CREB5: variants seen among roughly 807,000 people sequenced by gnomAD.
The protein encoded by CREB5 is cyclic AMP-responsive element-binding protein 5.
A neutral mutation model predicts 57.1 loss-of-function variants in CREB5; 19 were observed. The ratio of observed to expected loss-of-function variants is 0.33; its 90% CI spans 0.23 to 0.49. The LOEUF (loss-of-function observed/expected upper bound fraction) is 0.49. CREB5 is among the 20% of genes least tolerant of loss of function. The pLI is 0.99. For synonymous variants in CREB5, 238 were observed against 238.3 expected (o/e 1.00, Z 0.01); for missense variants, 579 against 671.6 (o/e 0.86, Z 1.52).
At chr7:28,549,106 T>C (rs1322788281) in intron 4 of CREB5, among the ~76,000 whole-genome samples, 1 of 152,174 alleles carries the variant, frequency 6.6e-6, no homozygotes, top group East Asian at 1.9e-4. Flanking sequence ...AATCTTAGAA[T>C]CGAATTGGAC....
intron 1 of CREB5, among the ~76,000 whole-genome samples, chr7:28,462,088 G>A (rs912207765): frequency 2.0e-5 from 3 of 151,916 alleles, no homozygotes; most frequent in Non-Finnish European, 4.4e-5. Flanking sequence ...TCCCCTCATA[G>A]CCCCCGGTAA....
rs562712473 is a variant in CREB5, at chr7:28,663,052, G to A, written c.465-55701G>A. On this transcript the variant is annotated intron_variant, in intron 5 of 10. Transcript: ENST00000357727. The stretch of plus-strand genomic sequence containing the variant: ...CCCAGCTACTCTGGAGGCTGAGGTA[G>A]GAGAATCGCTTGAACCTGGGAGGTG... Among the ~76,000 whole-genome samples the A allele has an allele frequency of 5.0e-3, 754 of 151,800 alleles. 6 individuals carry two copies. The highest frequency in any genetic ancestry group is 0.033 in the South Asian group (159 of 4,800).
intron 4 of CREB5, among the ~76,000 whole-genome samples, chr7:28,561,621 C>G (rs889862060): frequency 6.6e-6 from 1 of 152,216 alleles, no homozygotes; most frequent in Non-Finnish European, 1.5e-5. Flanking sequence ...GATCAGACAT[C>G]ATTCATTTAC....
chr7:28,344,861 A>G (rs1786010633), intron 1 of CREB5, among the ~76,000 whole-genome samples: 1 of 152,222 alleles, frequency 6.6e-6, no homozygotes, highest in South Asian at 2.1e-4. Flanking sequence ...GGGTGGCTAT[A>G]CTTACATCAG....
At chr7:28,349,700 C>T (rs374413132) in intron 1 of CREB5, among the ~76,000 whole-genome samples, 23 of 152,054 alleles carry the variant, frequency 1.5e-4, no homozygotes, top group Non-Finnish European at 2.5e-4. Context: ...TTAATTTCAG[C>T]GATGGAGGGA....
chr7:28,355,016 T>C (rs977149302), intron 1 of CREB5, among the ~76,000 whole-genome samples: 1 of 152,216 alleles, frequency 6.6e-6, no homozygotes, highest in Non-Finnish European at 1.5e-5. Flanking sequence ...AAGCAGTAAA[T>C]GTGCCTCTGG....
chr7:28,392,800 G>C (rs986913870), intron 1 of CREB5, among the ~76,000 whole-genome samples: 3 of 152,176 alleles, frequency 2.0e-5, no homozygotes, highest in African/African-American at 7.2e-5. Context: ...CCCGTAACTA[G>C]ACCTCATCTG....
At chr7:28,452,024 C>G (rs1562725726) in intron 1 of CREB5, among the ~76,000 whole-genome samples, 1 of 152,258 alleles carries the variant, frequency 6.6e-6, no homozygotes, top group East Asian at 1.9e-4. Context: ...GAGAAAGGTC[C>G]CTGCCTGGAC....
intron 1 of CREB5, among the ~76,000 whole-genome samples, chr7:28,305,242 A>G (rs1420973570): frequency 6.6e-6 from 1 of 152,144 alleles, no homozygotes; most frequent in Non-Finnish European, 1.5e-5. Flanking sequence ...ATGTTGAAAC[A>G]CAATTCTGAA....
At chr7:28,494,566 C>G (rs1791937794) in intron 2 of CREB5, among the ~76,000 whole-genome samples, 1 of 152,026 alleles carries the variant, frequency 6.6e-6, no homozygotes, top group Non-Finnish European at 1.5e-5. Flanking sequence ...AAAAAAGTTC[C>G]CAGGGAAGGT....
intron 5 of CREB5, among the ~76,000 whole-genome samples, chr7:28,622,863 G>T (rs1797857659): frequency 6.6e-6 from 1 of 151,838 alleles, no homozygotes; most frequent in African/African-American, 2.4e-5. Context: ...CTCTATTTTT[G>T]AAAATAATAA....
intron 1 of CREB5, among the ~76,000 whole-genome samples, 184 bp downstream of exon 1, chr7:28,413,101 T>C (rs559405820): frequency 6.7e-6 from 1 of 148,414 alleles, no homozygotes; most frequent in African/African-American, 2.4e-5. Flanking sequence ...GATGTGTGTG[T>C]GTGTGTGTGT....
chr7:28,515,413 C>G (rs563046621), intron 4 of CREB5, among the ~76,000 whole-genome samples: 2 of 152,200 alleles, frequency 1.3e-5, no homozygotes, highest in African/African-American at 2.4e-5. Context: ...GTCAAGTCCA[C>G]CCAGACAATT....
chr7:28,623,259 C>T (rs1275577091), intron 5 of CREB5, among the ~76,000 whole-genome samples: 1 of 152,216 alleles, frequency 6.6e-6, no homozygotes, highest in Non-Finnish European at 1.5e-5. Context: ...ACAGGCATAC[C>T]TAGAATACGT....
chr7:28,491,910 T>C (rs1026883118), intron 2 of CREB5, among the ~76,000 whole-genome samples: 3 of 152,176 alleles, frequency 2.0e-5, no homozygotes, highest in Admixed American at 6.5e-5. Context: ...GGTGAAGAAA[T>C]GATTTTTTTC....
At chr7:28,776,738 C>CTTTCT (rs1312188474) in intron 7 of CREB5, among the ~76,000 whole-genome samples, 1 of 152,222 alleles carries the variant, frequency 6.6e-6, no homozygotes, top group Non-Finnish European at 1.5e-5. Context: ...GAGTAATCTA[C>CTTTCT]TTTCTGTCTC....
intron 7 of CREB5, among the ~76,000 whole-genome samples, chr7:28,771,331 CAG>C (rs1562629716): frequency 6.6e-6 from 1 of 152,116 alleles, no homozygotes; most frequent in Non-Finnish European, 1.5e-5. Flanking sequence ...GAAAAAAATT[CAG>C]AGTCAGTTTA....
intron 1 of CREB5, among the ~76,000 whole-genome samples, chr7:28,311,446 T>C (rs931524146): frequency 4.6e-5 from 7 of 152,230 alleles, no homozygotes; most frequent in African/African-American, 1.7e-4. Context: ...TATCCCCCAC[T>C]GTCCTCTCTT....
intron 5 of CREB5, among the ~76,000 whole-genome samples, chr7:28,690,364 T>C (rs1801188228): frequency 1.3e-5 from 2 of 152,212 alleles, no homozygotes; most frequent in African/African-American, 4.8e-5. Context: ...TAGTCGATGC[T>C]GAACTCACAT....
Sources: allele counts gnomAD v4.1 joint callset (sites outside exome capture counted in the v4.1 genomes callset), GRCh38; gene constraint gnomAD v4.1.1; transcripts MANE v1.5; gene names NCBI Gene and HGNC (gene_info 2026-07-23, HGNC 2026-07-21).